Variants in TIMM23 observed in about 807,000 individuals in gnomAD.
The protein encoded by TIMM23 is translocase of inner mitochondrial membrane 23.
Under a neutral mutation model 30.7 loss-of-function variants are expected in TIMM23, and 19 were observed. The observed-to-expected ratio is 0.62, with a 90% CI of 0.43 to 0.91. The LOEUF is 0.91. TIMM23 is among the 40% of genes least tolerant of loss of function. The pLI is 0.00. For missense variants in TIMM23, 202 were observed against 269.2 expected (o/e 0.75, Z 1.75); for synonymous variants, 78 against 98.5 (o/e 0.79, Z 1.23).
rs1325250454 is a variant in TIMM23, at chr10:45,984,066, G to T, written c.344+1136G>T. ...GCCCTGTTAAGTTTTTTATATTCCT[G>T]TTACTGTGTGGATCTCTGTCCATGC... is the stretch of plus-strand genomic sequence containing the variant. On this transcript the variant is annotated intron_variant, in intron 4 of 6. Transcript: ENST00000580018. Among the ~76,000 whole-genome samples, 645 of 152,154 alleles carry T rather than the reference G, an allele frequency of 4.2e-3. 2 individuals are homozygous for T. Among genetic ancestry groups the T allele is most frequent in the Non-Finnish European group, 7.8e-3 (531 of 68,006 alleles).
intron 2 of TIMM23, among the ~76,000 whole-genome samples, chr10:45,980,328 G>T (rs1837804873): frequency 6.6e-6 from 1 of 151,598 alleles, no homozygotes; most frequent in African/African-American, 2.4e-5. Flanking sequence ...GGAACTCCTG[G>T]GTTCAAGCAG....
At chr10:45,990,855 T>C (rs1202505311) in intron 6 of TIMM23, among the ~76,000 whole-genome samples, 1 of 152,236 alleles carries the variant, frequency 6.6e-6, no homozygotes, top group Non-Finnish European at 1.5e-5. Flanking sequence ...CTAAGAATTG[T>C]ACAAAATACG....
At chr10:45,999,753 G>A (rs2132285347) in intron 6 of TIMM23, among the ~76,000 whole-genome samples, 1 of 152,192 alleles carries the variant, frequency 6.6e-6, no homozygotes, top group East Asian at 1.9e-4. Flanking sequence ...AATTTATTAG[G>A]CAGGAATTTC....
At chr10:45,987,403 C>CCT (rs1838021335) in intron 5 of TIMM23, among the ~76,000 whole-genome samples, 1 of 152,044 alleles carries the variant, frequency 6.6e-6, no homozygotes, top group Non-Finnish European at 1.5e-5. Flanking sequence ...AGCATTAGAT[C>CCT]AGCAGGTTGA....
At chr10:45,980,473 G>C (rs1176109445) in intron 2 of TIMM23, among the ~76,000 whole-genome samples, 8 of 151,062 alleles carry the variant, frequency 5.3e-5, no homozygotes, top group Non-Finnish European at 7.4e-5. Context: ...TATCCTTATT[G>C]ATTTTTTTTT....
intron 5 of TIMM23, among the ~76,000 whole-genome samples, chr10:45,988,224 T>TG (rs1485846314): frequency 6.6e-6 from 1 of 152,190 alleles, no homozygotes; most frequent in Non-Finnish European, 1.5e-5. Context: ...ACTAATAGAC[T>TG]GGGCACAGAA....
intron 6 of TIMM23, among the ~76,000 whole-genome samples, chr10:45,993,087 G>A (rs1478539954): frequency 2.0e-5 from 3 of 151,988 alleles, no homozygotes; most frequent in African/African-American, 4.8e-5. Context: ...AAACACTGTA[G>A]TACATACAGT....
At chr10:45,981,528 TA>T (rs1426521044) in intron 2 of TIMM23, among the ~76,000 whole-genome samples, 1 of 152,014 alleles carries the variant, frequency 6.6e-6, no homozygotes, top group East Asian at 1.9e-4. Flanking sequence ...TGTGTTTGTT[TA>T]CTTTTGCAAT....
chr10:45,983,062 C>A lies in TIMM23; in HGVS notation c.344+132C>A, dbSNP rs1185615229. On this transcript the variant is annotated intron_variant, in intron 4 of 6. Transcript: ENST00000580018. ...TGCTTTTTTGTCTTTGTTTTTTAAT[C>A]TTAATCAAAATAAAAGCAACTAAGG... 1.9e-4 allele frequency: 249 copies of A among 1,311,870 alleles called. No homozygotes were observed. In the African/African-American group the frequency reaches 3.3e-3, roughly 17 times the overall value. The allele number at this position is 1,311,870 out of a possible 1,614,324, so 81.3% of individuals were successfully genotyped here.
At chr10:45,993,984 G>C (rs1176466817) in intron 6 of TIMM23, among the ~76,000 whole-genome samples, 35 of 152,324 alleles carry the variant, frequency 2.3e-4, no homozygotes, top group African/African-American at 8.2e-4. Context: ...TTGGGTGATA[G>C]AGTGAGACTC....
At chr10:45,977,752 C>T (rs1837716823) in intron 2 of TIMM23, among the ~76,000 whole-genome samples, 1 of 152,180 alleles carries the variant, frequency 6.6e-6, no homozygotes, top group African/African-American at 2.4e-5. Flanking sequence ...AGAATGGAGG[C>T]CAGGTGCAGT....
chr10:45,973,446 C>G (rs1837563263), intron 1 of TIMM23, among the ~76,000 whole-genome samples: 1 of 152,062 alleles, frequency 6.6e-6, no homozygotes, highest in Non-Finnish European at 1.5e-5. Flanking sequence ...GGCAGTTGGT[C>G]GTGGATAAAG....
At chr10:45,996,764 T>C (rs1414620362) in intron 6 of TIMM23, among the ~76,000 whole-genome samples, 1 of 151,962 alleles carries the variant, frequency 6.6e-6, no homozygotes, top group African/African-American at 2.4e-5. Flanking sequence ...TGTGGGCAGA[T>C]TGAGTCCAGG....
intron 6 of TIMM23, among the ~76,000 whole-genome samples, chr10:45,991,708 G>A (rs1333957411): frequency 1.3e-5 from 2 of 151,496 alleles, no homozygotes; most frequent in African/African-American, 2.4e-5. Context: ...GCGAGATCAC[G>A]CCACTGCACT....
At chr10:45,996,839 C>T (rs1459885007) in intron 6 of TIMM23, among the ~76,000 whole-genome samples, 2 of 151,616 alleles carry the variant, frequency 1.3e-5, no homozygotes, top group Non-Finnish European at 2.9e-5. Context: ...GTGGTGGGCA[C>T]CTGTAGTCCC....
chr10:46,002,688 A>G (rs1368809483), intron 6 of TIMM23, among the ~76,000 whole-genome samples: 1 of 152,154 alleles, frequency 6.6e-6, no homozygotes, highest in Non-Finnish European at 1.5e-5. Flanking sequence ...GGGGGAAAAA[A>G]ATTATGAATA....
chr10:45,982,667 G>A, intron 3 of TIMM23, 51 bp downstream of exon 3: 1 of 1,608,550 alleles, frequency 6.2e-7, no homozygotes, highest in Non-Finnish European at 8.5e-7. Context: ...AGTAGTTGAG[G>A]GTGCGTAAAA....
At chr10:45,976,120 T>A (rs1837665493) in intron 2 of TIMM23, among the ~76,000 whole-genome samples, 1 of 152,168 alleles carries the variant, frequency 6.6e-6, no homozygotes, top group South Asian at 2.1e-4. Flanking sequence ...TCTTTTTGAA[T>A]CCAAGATATA....
intron 1 of TIMM23, among the ~76,000 whole-genome samples, chr10:45,974,482 C>T (rs1837606220): frequency 1.3e-5 from 2 of 152,148 alleles, no homozygotes; most frequent in African/African-American, 2.4e-5. Context: ...GCTCTTAGGC[C>T]AGTCTGTCTT....
Sources: gnomAD v4.1 joint callset for allele counts (sites outside exome capture counted in the v4.1 genomes callset) on GRCh38, gnomAD v4.1.1 for gene constraint, MANE v1.5 for transcripts, NCBI Gene and HGNC (gene_info 2026-07-23, HGNC 2026-07-21) for gene names.